ANKRD22: variants seen among roughly 807,000 people sequenced by gnomAD.
ANKRD22 encodes ankyrin repeat domain-containing protein 22.
ANKRD22 carries 24 observed loss-of-function variants against 25.7 expected under a neutral mutation model. The ratio of observed to expected loss-of-function variants is 0.93; its 90% CI spans 0.68 to 1.31. The LOEUF is 1.31. Ranked by LOEUF, ANKRD22 falls within the 50% of genes most tolerant of loss-of-function variation. The probability of loss-of-function intolerance (pLI) is 0.00; values close to 1 mark genes in which losing one functional copy is unlikely to be tolerated. For missense variants in ANKRD22, 214 were observed against 227.1 expected (o/e 0.94, Z 0.37); for synonymous variants, 84 against 84.3 (o/e 1.00, Z 0.02).
chr10:88,820,550 A>G lies in ANKRD22; in HGVS notation c.*2391T>C. 3 of 1,502,278 alleles carry G rather than the reference A, an allele frequency of 2.0e-6. No individual in the cohort carries two copies. In the South Asian group the frequency reaches 3.8e-5, roughly 19 times the overall value. 93.1% of individuals were successfully genotyped at this position (1,502,278 alleles called of 1,614,324 possible). The stretch of plus-strand genomic sequence containing the variant: ...GGACAACCTCCTGAGGGATGGGGCT[A>G]GGACCCATGAAGGCAGAATTACGGA... On this transcript the variant is annotated 3_prime_UTR_variant, in exon 6 of 6. Transcript: ENST00000371930.
At chr10:88,844,584 T>C (rs1179064438) in intron 1 of ANKRD22, among the ~76,000 whole-genome samples, 1 of 152,106 alleles carries the variant, frequency 6.6e-6, no homozygotes, top group Non-Finnish European at 1.5e-5. Context: ...TTCTATAACA[T>C]AAGTAAACAT....
intron 1 of ANKRD22, among the ~76,000 whole-genome samples, chr10:88,843,429 T>G (rs758588925): frequency 6.6e-6 from 1 of 152,170 alleles, no homozygotes; most frequent in African/African-American, 2.4e-5. Flanking sequence ...TTAAGCATGT[T>G]GGGAGAAAAC....
At position 88,845,201 on chromosome 10, in the gene ANKRD22, C is replaced by G. The variant is rs74147297; in HGVS notation, c.21+6386G>C. On this transcript the variant is annotated intron_variant, in intron 1 of 5. Coordinates refer to ENST00000371930, the MANE Select transcript of ANKRD22 (RefSeq NM_144590.3). The stretch of plus-strand genomic sequence containing the variant: ...TTTCCCCCTCAACCCCAGAAAATCT[C>G]CTGTTTGACTAAATGCGTATGTTTC... 1.1e-3 allele frequency among the ~76,000 whole-genome samples: 168 copies of G among 152,196 alleles called. 3 individuals carry two copies. The highest frequency in any genetic ancestry group is 3.8e-3 in the African/African-American group (158 of 41,544).
At chr10:88,847,484 C>T (rs1194136457) in intron 1 of ANKRD22, among the ~76,000 whole-genome samples, 1 of 152,114 alleles carries the variant, frequency 6.6e-6, no homozygotes, top group Non-Finnish European at 1.5e-5. Flanking sequence ...GTCTCAAACT[C>T]CCAACCTCAG....
At position 88,822,338 on chromosome 10, in the gene ANKRD22, C is replaced by A. The variant is rs1213471938; in HGVS notation, c.*603G>T. The A allele has an allele frequency of 6.6e-6, 1 of 152,022 alleles. No homozygotes were observed. The highest frequency in any genetic ancestry group is 1.5e-5 in the Non-Finnish European group (1 of 68,014). 9.4% of individuals were successfully genotyped at this position (152,022 alleles called of 1,614,324 possible). On this transcript the variant is annotated 3_prime_UTR_variant, in exon 6 of 6. Transcript: ENST00000371930. ...CTAAGCCCACACACATACACAAATA[C>A]CATTCTGTACAAACATACGTATTTA...
At chr10:88,846,381 T>A (rs542548246) in intron 1 of ANKRD22, among the ~76,000 whole-genome samples, 1 of 152,314 alleles carries the variant, frequency 6.6e-6, no homozygotes, top group East Asian at 1.9e-4. Flanking sequence ...CTGATTGATC[T>A]AAGGACACCA....
Position 88,823,003 on chromosome 10 carries a change from G to A in ANKRD22, c.514C>T (p.Leu172=), listed in dbSNP as rs1274216295. The change falls in exon 6 of 6, where the codon CTG becomes TTG. Residue 172 remains leucine (L), a synonymous_variant. Coordinates refer to ENST00000371930, the MANE Select transcript of ANKRD22 (RefSeq NM_144590.3). The part of the protein sequence containing the change: ...TIKNKHGESS[L]DIARRLKFSQ... Reference sequence around the variant, plus strand: ...AATTTTAATCTCCGTGCAATATCCAGTGAGCTCTCACCATGCTGAGGGGGG... The same window carrying A: ...AATTTTAATCTCCGTGCAATATCCAATGAGCTCTCACCATGCTGAGGGGGG... 6.2e-7 allele frequency: 1 copy of A among 1,613,376 alleles called. No individual in the cohort carries two copies. Among genetic ancestry groups the A allele is most frequent in the East Asian group, 2.2e-5 (1 of 44,882 alleles).
chr10:88,849,527 C>T (rs1001550554), intron 1 of ANKRD22, among the ~76,000 whole-genome samples: 2 of 152,112 alleles, frequency 1.3e-5, no homozygotes, highest in Non-Finnish European at 2.9e-5. Context: ...AATCTCCAGC[C>T]AATAAGCACT....
Position 88,851,812 on chromosome 10 carries a change from G to C in ANKRD22, c.-205C>G, listed in dbSNP as rs1487726221. The C allele has an allele frequency of 1.7e-6, 1 of 583,726 alleles. No homozygotes were observed. Among genetic ancestry groups the C allele is most frequent in the African/African-American group, 1.9e-5 (1 of 53,538 alleles). 36.2% of individuals were successfully genotyped at this position (583,726 alleles called of 1,614,324 possible). On this transcript the variant is annotated 5_prime_UTR_variant, in exon 1 of 6. Coordinates refer to ENST00000371930, the MANE Select transcript of ANKRD22 (RefSeq NM_144590.3). ...AGCAGCACACCTTCCAGAGAGCCCA[G>C]CCCAATGAAACAAAGGCACTGGTGT...
At position 88,823,007 on chromosome 10, in the gene ANKRD22, G is replaced by C. The variant is rs752334624; in HGVS notation, c.510C>G (p.Ser170Arg). ...TTAATCTCCGTGCAATATCCAGTGAGCTCTCACCATGCTGAGGGGGGAAAA... is the reference window on the plus strand; with the variant it reads ...TTAATCTCCGTGCAATATCCAGTGACCTCTCACCATGCTGAGGGGGGAAAA... Reference protein sequence around the residue: ...DPTIKNKHGESSLDIARRLKF... With the variant: ...DPTIKNKHGERSLDIARRLKF... Residue 170 changes from serine (S) to arginine (R), a missense_variant, in exon 6 of 6, where the codon AGC (serine) becomes AGG (arginine). Physicochemically the swap from Ser to Arg is moderately radical, Grantham distance 110 (BLOSUM62 -1). Transcript: ENST00000371930. 4.3e-6 allele frequency: 7 copies of C among 1,613,202 alleles called. No homozygotes were observed. Among genetic ancestry groups the C allele is most frequent in the Non-Finnish European group, 5.9e-6 (7 of 1,179,386 alleles).
rs752528185 is a variant in ANKRD22, at chr10:88,828,579, G to A, written c.301C>T (p.Leu101Phe). Residue 101 changes from leucine to phenylalanine, a missense_variant, in exon 3 of 6, where the codon CTT becomes TTT. Coordinates refer to ENST00000371930, the MANE Select transcript of ANKRD22 (RefSeq NM_144590.3). ...CTCACCATGAGGAAATACCCAATAA[G>A]CAGAACAGGCATTAAGAGGATAATT... Reference protein sequence around the residue: ...LLIILLMPVLLIGYFLMVSKT... With the variant: ...LLIILLMPVLFIGYFLMVSKT... 1 of 1,607,754 alleles carries A rather than the reference G, an allele frequency of 6.2e-7. No individual in the cohort carries two copies. Among genetic ancestry groups the A allele is most frequent in the Non-Finnish European group, 8.5e-7 (1 of 1,175,256 alleles).
chr10:88,830,654 T>C (rs1348975429), intron 2 of ANKRD22, among the ~76,000 whole-genome samples: 1 of 152,248 alleles, frequency 6.6e-6, no homozygotes, highest in East Asian at 1.9e-4. Flanking sequence ...GTCTTTTTCA[T>C]GGTTTTTATG....
At chr10:88,833,467 A>G (rs1015860328) in intron 1 of ANKRD22, among the ~76,000 whole-genome samples, 2 of 152,212 alleles carry the variant, frequency 1.3e-5, no homozygotes, top group South Asian at 2.1e-4. Context: ...ACACATACAC[A>G]GAGTAAATGA....
chr10:88,820,257 G>A lies in ANKRD22; in HGVS notation c.*2684C>T. 6.4e-7 allele frequency: 1 copy of A among 1,551,608 alleles called. No homozygotes were observed. The highest frequency in any genetic ancestry group is 1.7e-4 in the Middle Eastern group (1 of 5,994). ...CCAACTCCTGTAAGGTACAGAGTCAGAGATATGACGGTCCCTACAGCAATG... is the reference window on the plus strand; with the variant it reads ...CCAACTCCTGTAAGGTACAGAGTCAAAGATATGACGGTCCCTACAGCAATG... On this transcript the variant is annotated 3_prime_UTR_variant, in exon 6 of 6. Coordinates refer to ENST00000371930, the MANE Select transcript of ANKRD22 (RefSeq NM_144590.3).
rs1399106399 is a variant in ANKRD22, at chr10:88,850,220, G to A, written c.21+1367C>T. ...AACTCTTTAAAACTATAGATGAAAG[G>A]TCCTACTTCCAACTTTCTACATCAG... On this transcript the variant is annotated intron_variant, in intron 1 of 5. Coordinates refer to ENST00000371930, the MANE Select transcript of ANKRD22 (RefSeq NM_144590.3). Among the ~76,000 whole-genome samples the A allele has an allele frequency of 1.3e-5, 2 of 151,580 alleles. 1 individual carries two copies. The highest frequency in any genetic ancestry group is 4.2e-4 in the South Asian group (2 of 4,808).
At chr10:88,828,076 GA>G (rs1843871321) in intron 3 of ANKRD22, among the ~76,000 whole-genome samples, 1 of 152,226 alleles carries the variant, frequency 6.6e-6, no homozygotes, top group Non-Finnish European at 1.5e-5. Flanking sequence ...TCATCAAGGT[GA>G]AAATGGGCTT....
chr10:88,843,243 C>T (rs898802158), intron 1 of ANKRD22, among the ~76,000 whole-genome samples: 6 of 152,102 alleles, frequency 3.9e-5, no homozygotes, highest in Admixed American at 1.3e-4. Context: ...TATTCTGTGG[C>T]GGAAGAAATT....
rs1487337251 is a variant in ANKRD22, at chr10:88,821,748, G to A, written c.*1193C>T. Reference sequence around the variant, plus strand: ...AATCTTTCATTCTTATACTGTACTTGTTACCACATACAAAGAGGCTGGCTT... The same window carrying A: ...AATCTTTCATTCTTATACTGTACTTATTACCACATACAAAGAGGCTGGCTT... On this transcript the variant is annotated 3_prime_UTR_variant, in exon 6 of 6. Coordinates refer to ENST00000371930, the MANE Select transcript of ANKRD22 (RefSeq NM_144590.3). Among the ~76,000 whole-genome samples the A allele has an allele frequency of 6.6e-6, 1 of 152,128 alleles. No individual in the cohort carries two copies. The highest frequency in any genetic ancestry group is 1.5e-5 in the Non-Finnish European group (1 of 68,012).
At chr10:88,837,466 G>T (rs531744010) in intron 1 of ANKRD22, among the ~76,000 whole-genome samples, 1 of 152,200 alleles carries the variant, frequency 6.6e-6, no homozygotes, top group African/African-American at 2.4e-5. Flanking sequence ...GCATTAAGAT[G>T]GAAACATTAG....
Sources: gnomAD v4.1 joint callset for allele counts (sites outside exome capture counted in the v4.1 genomes callset) on GRCh38, gnomAD v4.1.1 for gene constraint, MANE v1.5 for transcripts, NCBI Gene and HGNC (gene_info 2026-07-23, HGNC 2026-07-21) for gene names.